Variants in EDA observed in about 807,000 individuals in gnomAD.
EDA encodes the protein ectodysplasin-A.
In EDA, 2 loss-of-function variants were observed where a neutral mutation model predicts 23.6. The ratio of observed to expected loss-of-function variants is 0.08; its 90% CI spans 0.03 to 0.27. The LOEUF is 0.27. Ranked by LOEUF, EDA falls within the 10% of genes least tolerant of loss-of-function variation. The pLI, the probability that EDA is intolerant of heterozygous loss-of-function variation, is 1.00. For missense variants in EDA, 229 were observed against 324.2 expected (o/e 0.71, Z 2.26); for synonymous variants, 131 against 132.0 (o/e 0.99, Z 0.05).
Position 69,740,495 on chromosome X carries a change from C to T in EDA, c.396+123791C>T, listed in dbSNP as rs774931960. On this transcript the variant is annotated intron_variant, in intron 1 of 7. Transcript: ENST00000374552. The stretch of plus-strand genomic sequence containing the variant: ...TCTGTTGCCTTTTAGCCTCCATTGT[C>T]TCTAATGGGAAGTCAGCTGTTAAAC... Among the ~76,000 whole-genome samples, 5 of 110,940 alleles carry T rather than the reference C, an allele frequency of 4.5e-5. No individual in the cohort carries two copies. In the South Asian group the frequency reaches 1.9e-3, roughly 42 times the overall value.
chrX:70,019,745 G>A (rs1164411544), intron 2 of EDA, among the ~76,000 whole-genome samples: 4 of 111,589 alleles, frequency 3.6e-5, no homozygotes, highest in Admixed American at 9.5e-5. Context: ...GCCTTCTTGC[G>A]AGTGGAGAGT....
intron 1 of EDA, among the ~76,000 whole-genome samples, chrX:69,717,712 G>C (rs1408678966): frequency 9.1e-6 from 1 of 109,833 alleles, no homozygotes; most frequent in Admixed American, 9.7e-5. Flanking sequence ...GTAGAGACAG[G>C]GTTTCACTGT....
At chrX:69,883,130 G>A (rs1481705501) in intron 1 of EDA, among the ~76,000 whole-genome samples, 1 of 112,429 alleles carries the variant, frequency 8.9e-6, no homozygotes, top group Non-Finnish European at 1.9e-5. Flanking sequence ...TAGTGAGCAA[G>A]CATGGCCTAC....
intron 1 of EDA, among the ~76,000 whole-genome samples, chrX:69,828,426 GA>G (rs2016518372): frequency 8.9e-6 from 1 of 112,255 alleles, no homozygotes; most frequent in East Asian, 2.8e-4. Context: ...AAGCCCATTG[GA>G]AAAGCGCAGT....
chrX:69,661,124 T>G (rs1259561274), intron 1 of EDA, among the ~76,000 whole-genome samples: 1 of 109,877 alleles, frequency 9.1e-6, no homozygotes, highest in African/African-American at 3.3e-5. Flanking sequence ...TCATGTGTTT[T>G]TTGGCTGCAT....
chrX:69,966,703 C>A (rs2019179309), intron 2 of EDA, among the ~76,000 whole-genome samples: 2 of 109,292 alleles, frequency 1.8e-5, no homozygotes, highest in Admixed American at 2.0e-4. Flanking sequence ...GTAAAATAAA[C>A]TACGACATAG....
intron 1 of EDA, among the ~76,000 whole-genome samples, chrX:69,775,385 G>A (rs750457282): frequency 1.4e-4 from 16 of 111,607 alleles, no homozygotes; most frequent in Admixed American, 2.9e-4. Context: ...TTTCCATTCT[G>A]TCTTAAGGTA....
At chrX:69,686,881 A>T (rs183038507) in intron 1 of EDA, among the ~76,000 whole-genome samples, 2 of 111,673 alleles carry the variant, frequency 1.8e-5, no homozygotes, top group East Asian at 5.6e-4. Flanking sequence ...TGCTGCTCTC[A>T]ATATTTGTGT....
chrX:69,824,961 G>C (rs1195890940), intron 1 of EDA, among the ~76,000 whole-genome samples: 1 of 83,510 alleles, frequency 1.2e-5, no homozygotes, highest in Non-Finnish European at 2.3e-5. Context: ...ATAATCATGT[G>C]GTTTTTGTCT....
chrX:69,923,809 T>C (rs1007412114), intron 1 of EDA, among the ~76,000 whole-genome samples: 2 of 111,893 alleles, frequency 1.8e-5, no homozygotes, highest in African/African-American at 6.5e-5. Context: ...GCATTCCTAT[T>C]TCTCCACAGC....
At chrX:69,897,017 T>C (rs1160195152) in intron 1 of EDA, among the ~76,000 whole-genome samples, 1 of 111,681 alleles carries the variant, frequency 9.0e-6, no homozygotes, top group African/African-American at 3.3e-5. Context: ...AGGATTTTTC[T>C]AAGGTAAATG....
chrX:69,991,860 G>A (rs1422226337), intron 2 of EDA, among the ~76,000 whole-genome samples: 2 of 112,143 alleles, frequency 1.8e-5, no homozygotes, highest in African/African-American at 6.5e-5. Flanking sequence ...AAAGGGCTAG[G>A]AGCCACTGCA....
rs10579679 is a variant in EDA, at chrX:70,028,046, CCT to C, written c.706+11_706+12del. On this transcript the variant is annotated intron_variant, in intron 4 of 7. Coordinates refer to ENST00000374552, the MANE Select transcript of EDA (RefSeq NM_001399.5). Reference sequence around the variant, plus strand: ...CTCCAGGGACCTTCTGGTGAGTTCCCCTGTCTCTCCACCCCACCAGGTGCCTT... The same window carrying C: ...CTCCAGGGACCTTCTGGTGAGTTCCCGTCTCTCCACCCCACCAGGTGCCTT... 0.41 allele frequency: 488,814 copies of C among 1,193,389 alleles called. 71,235 individuals are homozygous for C. The highest frequency in any genetic ancestry group is 0.58 in the African/African-American group (32,271 of 55,496).
chrX:69,942,481 T>G (rs1285461878), intron 1 of EDA, among the ~76,000 whole-genome samples: 2 of 108,297 alleles, frequency 1.8e-5, no homozygotes, highest in Non-Finnish European at 3.8e-5. Flanking sequence ...GTAAAAGGTG[T>G]TTTTTTTTCC....
chrX:69,773,238 G>A (rs2014687748), intron 1 of EDA, among the ~76,000 whole-genome samples: 1 of 112,388 alleles, frequency 8.9e-6, no homozygotes, highest in East Asian at 2.8e-4. Flanking sequence ...GTATCAGAAA[G>A]TCATTGCTTT....
intron 1 of EDA, among the ~76,000 whole-genome samples, chrX:69,666,456 T>A (rs1313018363): frequency 8.9e-6 from 1 of 112,737 alleles, no homozygotes; most frequent in Non-Finnish European, 1.9e-5. Context: ...CCTTACATTA[T>A]GTTGAGGAAC....
chrX:69,645,752 G>A lies in EDA; in HGVS notation c.396+29048G>A, dbSNP rs183381451. 3.4e-4 allele frequency among the ~76,000 whole-genome samples: 36 copies of A among 106,228 alleles called. No homozygotes were observed. In the East Asian group the frequency reaches 0.01, roughly 31 times the overall value. The allele number at this position is 106,228 out of a possible 115,157, so 92.2% of individuals were successfully genotyped here. ...TTAACTCGAACCTGATGTAAATGAC[G>A]AGTTCTCTAGTTCTTTTAGTTGAGA... On this transcript the variant is annotated intron_variant, in intron 1 of 7. Coordinates refer to ENST00000374552, the MANE Select transcript of EDA (RefSeq NM_001399.5).
chrX:69,736,480 C>A (rs906648029), intron 1 of EDA, among the ~76,000 whole-genome samples: 28 of 109,490 alleles, frequency 2.6e-4, no homozygotes, highest in Non-Finnish European at 4.8e-4. Context: ...CGGACATGCA[C>A]CACCATGCCT....
At chrX:69,629,845 T>G (rs1932507200) in intron 1 of EDA, among the ~76,000 whole-genome samples, 1 of 111,528 alleles carries the variant, frequency 9.0e-6, no homozygotes, top group African/African-American at 3.3e-5. Context: ...CTTTCGGAAT[T>G]CATTTCTCCC....
Sources: allele counts gnomAD v4.1 joint callset (sites outside exome capture counted in the v4.1 genomes callset), GRCh38; gene constraint gnomAD v4.1.1; transcripts MANE v1.5; gene names NCBI Gene and HGNC (gene_info 2026-07-23, HGNC 2026-07-21).